RARB: variants seen among roughly 807,000 people sequenced by gnomAD.
The protein encoded by RARB is retinoic acid receptor beta.
RARB carries 17 observed loss-of-function variants against 51.9 expected under a neutral mutation model. That is an observed-to-expected ratio of 0.33 (90% CI 0.22 to 0.49). The LOEUF is 0.49. RARB is among the 20% of genes least tolerant of loss of function. The pLI is 0.99. For synonymous variants in RARB, 215 were observed against 195.4 expected, an observed-to-expected ratio of 1.10 and a Z score of -0.84; for missense variants, 369 against 550.8, an observed-to-expected ratio of 0.67 and a Z score of 3.30.
chr3:25,107,964 C>T (rs1032006585), intron 3 of RARB, among the ~76,000 whole-genome samples: 13 of 152,082 alleles, frequency 8.5e-5, no homozygotes, highest in Non-Finnish European at 1.8e-4. Flanking sequence ...TTGTCAGCAT[C>T]CCTACTTTTG....
chr3:24,851,706 G>T (rs1416091767), intron 1 of RARB, among the ~76,000 whole-genome samples: 1 of 152,174 alleles, frequency 6.6e-6, no homozygotes, highest in Non-Finnish European at 1.5e-5. Flanking sequence ...AAACCATTCA[G>T]CATTTTCATT....
At position 25,183,127 on chromosome 3, in the gene RARB, G is replaced by A. The variant is rs1229172085; in HGVS notation, c.178+8552G>A. Among the ~76,000 whole-genome samples the A allele has an allele frequency of 2.6e-5, 4 of 152,146 alleles. No homozygotes were observed. In the East Asian group the frequency reaches 5.8e-4, roughly 22 times the overall value. ...ACCATAACTTCTTACTACCGAAAAA[G>A]AAAAAACTATGTTTTCGAAACTTTC... is the stretch of plus-strand genomic sequence containing the variant. On this transcript the variant is annotated intron_variant, in intron 5 of 11. Transcript: ENST00000383772.
chr3:25,130,937 A>ATATCAATATTTATCATTGATAATAT (rs1699939709), intron 3 of RARB, among the ~76,000 whole-genome samples: 5 of 64,118 alleles, frequency 7.8e-5, no homozygotes, highest in African/African-American at 4.4e-4. Flanking sequence ...ATCATTGATA[A>ATATCAATATTTATCATTGATAATAT]TATCAATATT....
intron 5 of RARB, among the ~76,000 whole-genome samples, chr3:25,222,940 AT>A (rs1006476683): frequency 2.0e-5 from 3 of 152,124 alleles, no homozygotes; most frequent in African/African-American, 7.2e-5. Flanking sequence ...AATGAATAGG[AT>A]TTTTTTCTAC....
chr3:25,299,357 G>A (rs370009682), intron 5 of RARB, among the ~76,000 whole-genome samples: 186 of 152,110 alleles, frequency 1.2e-3, no homozygotes, highest in African/African-American at 4.3e-3. Flanking sequence ...ACCACCATGC[G>A]TGGCTAATTT....
At chr3:24,850,275 T>C (rs1341414622) in intron 1 of RARB, among the ~76,000 whole-genome samples, 2 of 152,222 alleles carry the variant, frequency 1.3e-5, no homozygotes, top group African/African-American at 4.8e-5. Flanking sequence ...CATTTACTCA[T>C]GTAGTCTCTA....
At chr3:24,931,154 T>G (rs1695430479) in intron 2 of RARB, among the ~76,000 whole-genome samples, 1 of 152,100 alleles carries the variant, frequency 6.6e-6, no homozygotes. Context: ...CTGCTATGTC[T>G]CGTTGAACTG....
chr3:25,478,437 C>T lies in RARB; in HGVS notation c.306+17096C>T, dbSNP rs575662830. On this transcript the variant is annotated intron_variant, in intron 2 of 7. Coordinates refer to ENST00000330688, the MANE Select transcript of RARB (RefSeq NM_000965.5). ...AGCCTGTTGTAGGAAAAATATGCAT[C>T]TCTGTGCCCTCGGAAGACTAGTGGC... Among the ~76,000 whole-genome samples the T allele has an allele frequency of 7.2e-5, 11 of 152,304 alleles. No homozygotes were observed. The South Asian group carries it at 2.1e-3, about 29-fold the overall frequency.
intron 2 of RARB, among the ~76,000 whole-genome samples, chr3:25,046,643 C>T (rs555337817): frequency 1.7e-4 from 26 of 151,902 alleles, no homozygotes; most frequent in African/African-American, 5.5e-4. Context: ...TTGATAGAGA[C>T]GGGGTTTCAC....
chr3:25,388,488 T>C (rs186106411), intron 5 of RARB, among the ~76,000 whole-genome samples: 82 of 152,326 alleles, frequency 5.4e-4, no homozygotes, highest in Middle Eastern at 6.8e-3. Context: ...AAAGCATTAG[T>C]TTAATGAAAG....
At chr3:25,380,299 T>C (rs1486564845) in intron 5 of RARB, among the ~76,000 whole-genome samples, 1 of 152,104 alleles carries the variant, frequency 6.6e-6, no homozygotes, top group Non-Finnish European at 1.5e-5. Context: ...TCTTTCCCAC[T>C]CCGTACCCGT....
chr3:25,074,608 A>G (rs7618700), intron 3 of RARB, among the ~76,000 whole-genome samples: 8,616 of 152,138 alleles, frequency 0.057, 456 homozygotes, highest in African/African-American at 0.13. Flanking sequence ...GCTTTTTTTA[A>G]TGGCTGTTGT....
intron 3 of RARB, among the ~76,000 whole-genome samples, chr3:25,528,137 C>G (rs894670887): frequency 4.9e-4 from 75 of 152,224 alleles, no homozygotes; most frequent in African/African-American, 1.8e-3. Context: ...GGAAGACAGA[C>G]AGACTTGAAG....
At chr3:25,043,450 A>C (rs1363018698) in intron 2 of RARB, among the ~76,000 whole-genome samples, 5 of 152,244 alleles carry the variant, frequency 3.3e-5, no homozygotes, top group African/African-American at 4.8e-5. Context: ...GGGGATGTGA[A>C]ATGTAATGTG....
intron 2 of RARB, among the ~76,000 whole-genome samples, chr3:24,957,409 G>A (rs750322998): frequency 3.3e-5 from 5 of 152,080 alleles, no homozygotes; most frequent in East Asian, 3.9e-4. Context: ...CCTAGCTGAC[G>A]ACAGCCCATA....
intron 3 of RARB, among the ~76,000 whole-genome samples, chr3:25,567,761 C>T (rs1298153619): frequency 1.3e-5 from 2 of 152,176 alleles, no homozygotes; most frequent in African/African-American, 4.8e-5. Flanking sequence ...AGGACCCTCC[C>T]TGCTTAGATT....
chr3:25,171,177 C>T lies in RARB; in HGVS notation c.-279-2942C>T, dbSNP rs144749169. On this transcript the variant is annotated intron_variant, in intron 4 of 11. Coordinates refer to the RARB transcript ENST00000383772. The stretch of plus-strand genomic sequence containing the variant: ...CTGGTAGATCCAAGACCTTCTAACC[C>T]AGTCCCTACTTCCTTCCTGTCTTCC... Among the ~76,000 whole-genome samples the T allele has an allele frequency of 3.6e-3, 555 of 152,128 alleles. 3 individuals are homozygous for T. The highest frequency in any genetic ancestry group is 0.013 in the African/African-American group (534 of 41,496).
intron 3 of RARB, among the ~76,000 whole-genome samples, chr3:25,089,009 A>C (rs1699150483): frequency 1.3e-5 from 2 of 152,006 alleles, no homozygotes; most frequent in South Asian, 4.1e-4. Flanking sequence ...GCCCCCTTTA[A>C]GTTTTACTAA....
intron 4 of RARB, among the ~76,000 whole-genome samples, chr3:25,577,485 A>C (rs1293310253): frequency 6.6e-6 from 1 of 152,108 alleles, no homozygotes; most frequent in Admixed American, 6.5e-5. Context: ...TGGTGGAAGG[A>C]TTTCAGGCCT....
Sources: gnomAD v4.1 joint callset for allele counts (sites outside exome capture counted in the v4.1 genomes callset) on GRCh38, gnomAD v4.1.1 for gene constraint, MANE v1.5 for transcripts, NCBI Gene and HGNC (gene_info 2026-07-23, HGNC 2026-07-21) for gene names.